C8orf34: variants seen among roughly 807,000 people sequenced by gnomAD.
C8orf34 encodes the protein uncharacterized protein C8orf34.
In C8orf34, 65 loss-of-function variants were observed where a neutral mutation model predicts 68.3. The ratio of observed to expected loss-of-function variants is 0.95; its 90% confidence interval spans 0.78 to 1.17. C8orf34 has a LOEUF of 1.17. Ranked by LOEUF, C8orf34 falls within the 50% of genes most tolerant of loss-of-function variation. C8orf34 has a pLI of 0.00. For missense variants in C8orf34, 664 were observed against 655.4 expected (o/e 1.01, Z -0.14); for synonymous variants, 244 against 241.2 (o/e 1.01, Z -0.11).
chr8:68,509,803 G>C (rs969449904), intron 5 of C8orf34, among the ~76,000 whole-genome samples: 2 of 152,100 alleles, frequency 1.3e-5, no homozygotes, highest in African/African-American at 2.4e-5. Context: ...TTTCATCCTT[G>C]CATGCCTGAA....
chr8:68,665,540 C>T (rs1819811373), intron 8 of C8orf34, among the ~76,000 whole-genome samples: 1 of 152,152 alleles, frequency 6.6e-6, no homozygotes, highest in Admixed American at 6.6e-5. Context: ...GCTGATGCTG[C>T]CCCTTTTCTT....
At position 68,696,136 on chromosome 8, in the gene C8orf34, A is replaced by C. The variant is rs905946537; in HGVS notation, c.1242-12858A>C. Among the ~76,000 whole-genome samples the C allele has an allele frequency of 4.3e-4, 65 of 151,496 alleles. No homozygotes were observed. In the Middle Eastern group the frequency reaches 0.01, roughly 24 times the overall value. On this transcript the variant is annotated intron_variant, in intron 8 of 13. Coordinates refer to ENST00000518698, the MANE Select transcript of C8orf34 (RefSeq NM_052958.4). ...AGCGGTGATTGCGCAACTATACTTG[A>C]GCCTGTGTGACAGTGAGATCCTGTC...
intron 12 of C8orf34, among the ~76,000 whole-genome samples, chr8:68,813,554 A>G (rs1824719913): frequency 2.0e-5 from 3 of 152,044 alleles, no homozygotes; most frequent in South Asian, 4.2e-4. Context: ...AATACTTTAC[A>G]TGCTTTTTTT....
At chr8:68,652,306 A>G (rs1022539228) in intron 8 of C8orf34, among the ~76,000 whole-genome samples, 2 of 152,210 alleles carry the variant, frequency 1.3e-5, no homozygotes, top group African/African-American at 4.8e-5. Flanking sequence ...TTTATACATT[A>G]TGTATCTAGA....
chr8:68,419,183 T>G (rs1805363377), intron 1 of C8orf34, among the ~76,000 whole-genome samples: 4 of 151,746 alleles, frequency 2.6e-5, no homozygotes, highest in Admixed American at 1.3e-4. Flanking sequence ...GAACAGACAC[T>G]TCTCAAAAGA....
chr8:68,410,236 G>A (rs1181573633), intron 1 of C8orf34, among the ~76,000 whole-genome samples: 3 of 152,168 alleles, frequency 2.0e-5, no homozygotes, highest in Non-Finnish European at 4.4e-5. Flanking sequence ...GTTGGGTAGA[G>A]AGGTTAGCAA....
chr8:68,541,445 A>G (rs1448934330), intron 7 of C8orf34, among the ~76,000 whole-genome samples: 1 of 152,060 alleles, frequency 6.6e-6, no homozygotes, highest in Non-Finnish European at 1.5e-5. Flanking sequence ...CAGCCTGGGC[A>G]ATAGAGTGAG....
intron 8 of C8orf34, among the ~76,000 whole-genome samples, chr8:68,693,619 A>C (rs1393511845): frequency 6.6e-6 from 1 of 152,140 alleles, no homozygotes; most frequent in Non-Finnish European, 1.5e-5. Context: ...AAATAAATGC[A>C]TAGGTACTGG....
At chr8:68,601,969 C>T (rs75738849) in intron 7 of C8orf34, among the ~76,000 whole-genome samples, 6,233 of 152,218 alleles carry the variant, frequency 0.041, 139 homozygotes, top group Middle Eastern at 0.088. Context: ...CTCTCTCACA[C>T]GGCCTCACGG....
chr8:68,606,300 G>T (rs1005827048), intron 7 of C8orf34, among the ~76,000 whole-genome samples: 1 of 152,056 alleles, frequency 6.6e-6, no homozygotes, highest in Admixed American at 6.6e-5. Context: ...CAGGAATTGT[G>T]TCTTACTTTA....
chr8:68,405,340 T>A (rs1809148451), intron 1 of C8orf34, among the ~76,000 whole-genome samples: 1 of 152,158 alleles, frequency 6.6e-6, no homozygotes, highest in Non-Finnish European at 1.5e-5. Flanking sequence ...TATTCTCAGA[T>A]CACTGGACTC....
At chr8:68,486,262 A>G (rs1424967017) in intron 4 of C8orf34, among the ~76,000 whole-genome samples, 4 of 152,156 alleles carry the variant, frequency 2.6e-5, no homozygotes, top group African/African-American at 9.7e-5. Context: ...TGGTGCTGTC[A>G]TATCTGAGTT....
chr8:68,370,854 C>T (rs1447598268), intron 1 of C8orf34, among the ~76,000 whole-genome samples: 3 of 152,148 alleles, frequency 2.0e-5, no homozygotes, highest in African/African-American at 7.2e-5. Context: ...TCCATTTCTG[C>T]ACATATTTCC....
chr8:68,350,913 G>T (rs1213063744), intron 1 of C8orf34, among the ~76,000 whole-genome samples: 1 of 151,872 alleles, frequency 6.6e-6, no homozygotes, highest in Non-Finnish European at 1.5e-5. Flanking sequence ...TTTTTATCCA[G>T]TTTGCCACTC....
intron 10 of C8orf34, among the ~76,000 whole-genome samples, chr8:68,755,662 C>T (rs768627213): frequency 1.2e-4 from 18 of 152,056 alleles, no homozygotes; most frequent in Admixed American, 4.6e-4. Flanking sequence ...CTTGTGTAGA[C>T]GTCCAACCTC....
At chr8:68,563,095 T>C (rs554045043) in intron 7 of C8orf34, among the ~76,000 whole-genome samples, 37 of 152,274 alleles carry the variant, frequency 2.4e-4, no homozygotes, top group African/African-American at 8.9e-4. Flanking sequence ...TCTACCACCA[T>C]TAACCTCCTA....
intron 5 of C8orf34, among the ~76,000 whole-genome samples, chr8:68,492,505 G>A (rs1442121691): frequency 6.6e-6 from 1 of 151,978 alleles, no homozygotes; most frequent in African/African-American, 2.4e-5. Flanking sequence ...TTTTGTGCAT[G>A]AGCCACCATG....
chr8:68,610,905 C>A (rs1400631171), intron 7 of C8orf34, among the ~76,000 whole-genome samples: 3 of 125,768 alleles, frequency 2.4e-5, no homozygotes, highest in Non-Finnish European at 4.8e-5. Flanking sequence ...ACTCTTGTTG[C>A]CCAGGCTGGA....
intron 1 of C8orf34, among the ~76,000 whole-genome samples, chr8:68,417,041 G>T (rs1318866712): frequency 6.6e-6 from 1 of 152,032 alleles, no homozygotes; most frequent in Non-Finnish European, 1.5e-5. Flanking sequence ...CTTCTCTCTT[G>T]ATAAAAATGA....
Sources: gnomAD v4.1 joint callset for allele counts (sites outside exome capture counted in the v4.1 genomes callset) on GRCh38, gnomAD v4.1.1 for gene constraint, MANE v1.5 for transcripts, NCBI Gene and HGNC (gene_info 2026-07-23, HGNC 2026-07-21) for gene names.